The following MCTP1 variants were observed in gnomAD, a reference collection of about 807,000 sequenced individuals.
The protein encoded by MCTP1 is multiple C2 and transmembrane domain-containing protein 1.
In MCTP1, 69 loss-of-function variants were observed where a neutral mutation model predicts 120.6. The ratio of observed to expected loss-of-function variants is 0.57; its 90% confidence interval spans 0.47 to 0.70. MCTP1 has a LOEUF of 0.70. MCTP1 is among the 30% of genes least tolerant of loss of function. The probability of loss-of-function intolerance (pLI) is 0.00; values close to 1 mark genes in which losing one functional copy is unlikely to be tolerated. For missense variants in MCTP1, 1,203 were observed against 1,248.8 expected (o/e 0.96, Z 0.55); for synonymous variants, 529 against 493.1 (o/e 1.07, Z -0.96).
At chr5:95,073,905 G>T (rs1752887601) in intron 1 of MCTP1, among the ~76,000 whole-genome samples, 1 of 152,152 alleles carries the variant, frequency 6.6e-6, no homozygotes, top group Non-Finnish European at 1.5e-5. Flanking sequence ...GAGGTCAGGA[G>T]TTCAAGACCA....
At chr5:94,769,311 T>C (rs1240451157) in intron 19 of MCTP1, among the ~76,000 whole-genome samples, 2 of 152,254 alleles carry the variant, frequency 1.3e-5, no homozygotes, top group Non-Finnish European at 2.9e-5. Context: ...TAGTGTTCAA[T>C]AGCACAGTAT....
chr5:94,899,337 T>C (rs1804897737), intron 10 of MCTP1, among the ~76,000 whole-genome samples: 1 of 152,218 alleles, frequency 6.6e-6, no homozygotes, highest in Non-Finnish European at 1.5e-5. Flanking sequence ...CCTTTGGCTA[T>C]GCCTCCCCAA....
At chr5:95,176,212 G>C (rs1367674735) in intron 1 of MCTP1, among the ~76,000 whole-genome samples, 1 of 152,012 alleles carries the variant, frequency 6.6e-6, no homozygotes, top group African/African-American at 2.4e-5. Flanking sequence ...CACTATTCTA[G>C]GTCTGGGGCA....
chr5:94,850,416 A>G (rs1220450031), intron 17 of MCTP1, among the ~76,000 whole-genome samples: 1 of 152,208 alleles, frequency 6.6e-6, no homozygotes, highest in East Asian at 1.9e-4. Flanking sequence ...TTTCCACTGC[A>G]AGCGAGTAAA....
At chr5:95,014,835 A>G (rs1210859211) in intron 2 of MCTP1, among the ~76,000 whole-genome samples, 1 of 152,136 alleles carries the variant, frequency 6.6e-6, no homozygotes, top group Non-Finnish European at 1.5e-5. Flanking sequence ...GCTACAGATA[A>G]ACCTTTTGTG....
chr5:95,250,709 G>T (rs113109142), intron 1 of MCTP1, among the ~76,000 whole-genome samples: 1 of 152,100 alleles, frequency 6.6e-6, no homozygotes. Flanking sequence ...TAACTTATGT[G>T]AAATGCCTAG....
chr5:95,028,830 G>A (rs951142644), intron 1 of MCTP1, among the ~76,000 whole-genome samples: 1 of 152,154 alleles, frequency 6.6e-6, no homozygotes, highest in Admixed American at 6.5e-5. Flanking sequence ...CTTTAAAATA[G>A]GTAATAGATA....
chr5:94,994,604 T>A (rs900934045), intron 2 of MCTP1, among the ~76,000 whole-genome samples: 1 of 152,146 alleles, frequency 6.6e-6, no homozygotes, highest in Admixed American at 6.6e-5. Flanking sequence ...TTATCTGTAG[T>A]GTGTGTATGT....
intron 17 of MCTP1, chr5:94,826,771 GCTTTTTTTT>G: frequency 7.6e-5 from 4 of 52,550 alleles, no homozygotes; most frequent in Non-Finnish European, 1.2e-4. Context: ...TGTGACCCCT[GCTTTTTTTT>G]TTTTTTTTTT....
chr5:95,008,085 A>C (rs1467765033), intron 2 of MCTP1, among the ~76,000 whole-genome samples: 1 of 152,180 alleles, frequency 6.6e-6, no homozygotes, highest in Non-Finnish European at 1.5e-5. Context: ...TTCCTTTGTA[A>C]CTAGGCAAGC....
Position 94,893,010 on chromosome 5 carries a change from C to T in MCTP1, c.1839+1639G>A, listed in dbSNP as rs936936961. On this transcript the variant is annotated intron_variant, in intron 11 of 22. Transcript: ENST00000515393. ...CTCTAGAGGGAGGTATAGGCCTCTG[C>T]CTGAAATTCAAGGCTGAAAAAAAGT... 5.3e-5 allele frequency among the ~76,000 whole-genome samples: 8 copies of T among 152,026 alleles called. No homozygotes were observed. The South Asian group carries it at 8.3e-4, about 16-fold the overall frequency.
intron 9 of MCTP1, among the ~76,000 whole-genome samples, chr5:94,910,050 C>T (rs1482545990): frequency 6.6e-5 from 10 of 151,760 alleles, no homozygotes; most frequent in South Asian, 2.1e-4. Flanking sequence ...ATTAAAGCTT[C>T]GGGACTCTTC....
chr5:94,884,191 CAA>C (rs1279253661), intron 12 of MCTP1, among the ~76,000 whole-genome samples: 2 of 152,124 alleles, frequency 1.3e-5, no homozygotes, highest in Admixed American at 1.3e-4. Context: ...GCACAGTAAT[CAA>C]AGTGTTAAAA....
At chr5:95,239,188 C>T (rs748856982) in intron 1 of MCTP1, among the ~76,000 whole-genome samples, 1 of 152,162 alleles carries the variant, frequency 6.6e-6, no homozygotes, top group Non-Finnish European at 1.5e-5. Context: ...TGATGCACAT[C>T]TAAGCACCCT....
At chr5:94,904,527 A>G (rs1806309602) in intron 10 of MCTP1, among the ~76,000 whole-genome samples, 1 of 152,192 alleles carries the variant, frequency 6.6e-6, no homozygotes, top group Admixed American at 6.5e-5. Flanking sequence ...GAAAAGTTAT[A>G]GTAAGTGTCT....
intron 1 of MCTP1, among the ~76,000 whole-genome samples, chr5:95,048,291 G>T (rs1319347797): frequency 1.3e-5 from 2 of 152,134 alleles, no homozygotes; most frequent in Admixed American, 6.6e-5. Flanking sequence ...ATTGTTACAA[G>T]AGAAGTGTAT....
chr5:95,186,003 C>T (rs1440106835), intron 1 of MCTP1, among the ~76,000 whole-genome samples: 1 of 151,196 alleles, frequency 6.6e-6, no homozygotes, highest in Non-Finnish European at 1.5e-5. Context: ...AACAAACAAA[C>T]AAACAAACAA....
intron 19 of MCTP1, among the ~76,000 whole-genome samples, chr5:94,715,707 G>A (rs1758977139): frequency 6.6e-6 from 1 of 152,114 alleles, no homozygotes; most frequent in African/African-American, 2.4e-5. Context: ...AACAGTGGTG[G>A]CCTTTCACAA....
chr5:95,129,208 G>C (rs545435103), intron 1 of MCTP1, among the ~76,000 whole-genome samples: 1 of 152,214 alleles, frequency 6.6e-6, no homozygotes, highest in Non-Finnish European at 1.5e-5. Flanking sequence ...TCACAGAAGA[G>C]GGATAGCACT....
Sources: gnomAD v4.1 joint callset for allele counts (sites outside exome capture counted in the v4.1 genomes callset) on GRCh38, gnomAD v4.1.1 for gene constraint, MANE v1.5 for transcripts, NCBI Gene and HGNC (gene_info 2026-07-23, HGNC 2026-07-21) for gene names.